The following POU6F2 variants were observed in gnomAD, a reference collection of about 807,000 sequenced individuals.
POU6F2 encodes the protein POU domain, class 6, transcription factor 2.
In POU6F2, 31 loss-of-function variants were observed where a neutral mutation model predicts 71.3. The ratio of observed to expected loss-of-function variants is 0.43; its 90% CI spans 0.33 to 0.59. The LOEUF is 0.59. Among genes scored for constraint, POU6F2 ranks in the 20% least tolerant of loss-of-function variants. The probability of loss-of-function intolerance (pLI) is 0.04; values close to 1 mark genes in which losing one functional copy is unlikely to be tolerated. For missense variants in POU6F2, 783 were observed against 856.8 expected (o/e 0.91, Z 1.07); for synonymous variants, 347 against 355.7 (o/e 0.98, Z 0.27).
At chr7:39,157,457 A>T (rs1003605667) in intron 2 of POU6F2, among the ~76,000 whole-genome samples, 2 of 152,162 alleles carry the variant, frequency 1.3e-5, no homozygotes, top group African/African-American at 4.8e-5. Flanking sequence ...ATTTAACATT[A>T]CTGGTTATTG....
intron 1 of POU6F2, among the ~76,000 whole-genome samples, chr7:38,998,873 C>T (rs577319925): frequency 3.2e-4 from 45 of 141,636 alleles, no homozygotes; most frequent in Admixed American, 8.2e-4. Context: ...ACCATGTTAG[C>T]GAGGATGGTC....
At chr7:39,148,900 A>G (rs200022482) in intron 2 of POU6F2, among the ~76,000 whole-genome samples, 2 of 152,330 alleles carry the variant, frequency 1.3e-5, no homozygotes, top group East Asian at 3.9e-4. Context: ...GGATACTGAC[A>G]TGTAAAAATT....
chr7:39,015,303 ATC>A, intron 1 of POU6F2, among the ~76,000 whole-genome samples: 1 of 91,406 alleles, frequency 1.1e-5, no homozygotes, highest in Non-Finnish European at 2.6e-5. Context: ...ATCTATAAAT[ATC>A]TATATATAAT....
intron 1 of POU6F2, among the ~76,000 whole-genome samples, chr7:39,021,137 G>A (rs1434631231): frequency 6.6e-6 from 1 of 151,572 alleles, no homozygotes; most frequent in Admixed American, 6.6e-5. Flanking sequence ...TATTTTAATT[G>A]ATGAATAAAT....
intron 1 of POU6F2, among the ~76,000 whole-genome samples, chr7:39,012,881 T>C (rs1470745244): frequency 3.3e-5 from 5 of 152,104 alleles, no homozygotes; most frequent in African/African-American, 4.8e-5. Flanking sequence ...AGTCTGCCGG[T>C]TCTCAGATCT....
rs1263254413 is a variant in POU6F2 at position 39,178,038 on chromosome 7, A to C, written c.278-26197A>C. 2.6e-5 allele frequency among the ~76,000 whole-genome samples: 4 copies of C among 152,162 alleles called. No homozygotes were observed. In the East Asian group the frequency reaches 7.7e-4, roughly 29 times the overall value. Reference sequence around the variant, plus strand: ...TGGGAGGCCGAGGTGGGTGGATCACAAGGTCAGGAGTTGAAGACCAGCCTG... The same window carrying C: ...TGGGAGGCCGAGGTGGGTGGATCACCAGGTCAGGAGTTGAAGACCAGCCTG... On this transcript the variant is annotated intron_variant, in intron 2 of 9. Transcript: ENST00000518318.
chr7:39,086,537 T>G (rs1791249093), intron 2 of POU6F2, among the ~76,000 whole-genome samples: 1 of 152,120 alleles, frequency 6.6e-6, no homozygotes, highest in South Asian at 2.1e-4. Context: ...AGAAATAACA[T>G]TGTGTCATCA....
chr7:39,373,423 T>A, intron 5 of POU6F2: 1 of 456,702 alleles, frequency 2.2e-6, no homozygotes, highest in East Asian at 6.9e-5. Context: ...AACAGTCATG[T>A]TCCTGTTCTG....
In POU6F2 at chr7:39,464,888, AAGAAAATTTTT is replaced by A; in HGVS notation, c.*215_*225del. 2 of 730,340 alleles carry A rather than the reference AAGAAAATTTTT, an allele frequency of 2.7e-6. No homozygotes were observed. Among genetic ancestry groups the A allele is most frequent in the Middle Eastern group, 3.2e-4 (1 of 3,158 alleles). The allele number at this position is 730,340 out of a possible 1,614,324, so 45.2% of individuals were successfully genotyped here. A position where few individuals can be genotyped will look rare whatever the true frequency, so the allele number is the denominator to read the frequency against. ...TCCGTTGGTTTTCCAAAAAGGAAAGAAGAAAATTTTTAGAAAATTTTTAAACAAGGAATACA... is the reference window on the plus strand; with the variant it reads ...TCCGTTGGTTTTCCAAAAAGGAAAGAAGAAAATTTTTAAACAAGGAATACA... On this transcript the variant is annotated 3_prime_UTR_variant, in exon 10 of 10. Coordinates refer to ENST00000518318, the MANE Select transcript of POU6F2 (RefSeq NM_001370959.1). The surrounding 1 kb of genome is among the most constrained non-coding windows in gnomAD (Gnocchi z 4.1).
intron 2 of POU6F2, among the ~76,000 whole-genome samples, chr7:39,176,143 G>T (rs1239535148): frequency 1.3e-5 from 2 of 152,106 alleles, no homozygotes; most frequent in African/African-American, 2.4e-5. Flanking sequence ...CCCCTGGCCT[G>T]CAGGCTCTTC....
intron 1 of POU6F2, among the ~76,000 whole-genome samples, chr7:39,071,906 C>A (rs1790889255): frequency 6.6e-6 from 1 of 152,082 alleles, no homozygotes; most frequent in Non-Finnish European, 1.5e-5. Context: ...AAGATGATTT[C>A]TTGCTGATTT....
chr7:39,000,722 C>G (rs1017393532), intron 1 of POU6F2, among the ~76,000 whole-genome samples: 3 of 152,170 alleles, frequency 2.0e-5, no homozygotes, highest in Non-Finnish European at 4.4e-5. Flanking sequence ...TATAGAGTAT[C>G]TAGAAAAGAT....
Position 39,410,890 on chromosome 7 carries a change from C to T in POU6F2, c.1113+4150C>T, listed in dbSNP as rs1787536736. Reference sequence around the variant, plus strand: ...AGTTCTGGAGCCAGACTGCCATCCACCAGCTGTGAGACTGGGCAGTTTCCT... The same window carrying T: ...AGTTCTGGAGCCAGACTGCCATCCATCAGCTGTGAGACTGGGCAGTTTCCT... On this transcript the variant is annotated intron_variant, in intron 6 of 9. Transcript: ENST00000518318. Among the ~76,000 whole-genome samples the T allele has an allele frequency of 2.0e-5, 3 of 152,180 alleles. No homozygotes were observed. In the South Asian group the frequency reaches 6.2e-4, roughly 32 times the overall value.
chr7:39,159,612 C>T (rs1276786187), intron 2 of POU6F2, among the ~76,000 whole-genome samples: 1 of 152,058 alleles, frequency 6.6e-6, no homozygotes, highest in South Asian at 2.1e-4. Flanking sequence ...GTGCAAAGCA[C>T]CTCAGGAGAA....
At chr7:39,172,078 G>T (rs775176449) in intron 2 of POU6F2, among the ~76,000 whole-genome samples, 1 of 152,138 alleles carries the variant, frequency 6.6e-6, no homozygotes. Flanking sequence ...AGTGTAAAAA[G>T]ATTTGTCTTT....
At chr7:39,206,062 A>G (rs1331856665) in intron 3 of POU6F2, among the ~76,000 whole-genome samples, 1 of 152,218 alleles carries the variant, frequency 6.6e-6, no homozygotes, top group Non-Finnish European at 1.5e-5. Flanking sequence ...TTGGTAGATT[A>G]ACTACAGCAT....
intron 1 of POU6F2, chr7:39,034,436 G>A: frequency 2.5e-6 from 1 of 403,082 alleles, no homozygotes; most frequent in East Asian, 7.5e-5. Flanking sequence ...AGTGTTCTCG[G>A]CAGGAGCAGT....
chr7:39,027,902 T>C (rs1210879774), intron 1 of POU6F2, among the ~76,000 whole-genome samples: 6 of 152,194 alleles, frequency 3.9e-5, no homozygotes, highest in African/African-American at 1.4e-4. Context: ...TACTCAAATT[T>C]AAAAGAAAAT....
chr7:39,185,777 G>A (rs1377642959), intron 2 of POU6F2, among the ~76,000 whole-genome samples: 1 of 151,154 alleles, frequency 6.6e-6, no homozygotes, highest in Admixed American at 6.6e-5. Flanking sequence ...TAAGTAATGA[G>A]AAGTATGACA....
Sources: gnomAD v4.1 joint callset for allele counts (sites outside exome capture counted in the v4.1 genomes callset) on GRCh38, gnomAD v4.1.1 for gene constraint, Gnocchi (gnomAD v3.1) non-coding constraint, MANE v1.5 for transcripts, NCBI Gene and HGNC (gene_info 2026-07-23, HGNC 2026-07-21) for gene names.